FBN1: variants seen among roughly 807,000 people sequenced by gnomAD.
The protein encoded by FBN1 is fibrillin-1.
A neutral mutation model predicts 365.1 loss-of-function variants in FBN1; 29 were observed. The observed-to-expected ratio is 0.08, with a 90% CI of 0.06 to 0.11. The LOEUF (loss-of-function observed/expected upper bound fraction) is 0.11, where lower values mean the gene tolerates loss of function less well. Among genes scored for constraint, FBN1 ranks in the 10% least tolerant of loss-of-function variants. FBN1 has a pLI of 1.00. For missense variants in FBN1, 2,476 were observed against 3,703.2 expected, an observed-to-expected ratio of 0.67 and a Z score of 8.60; for synonymous variants, 1,210 against 1,270.5, an observed-to-expected ratio of 0.95 and a Z score of 1.01.
chr15:48,495,664 A>G lies in FBN1; in HGVS notation c.2420-76T>C, dbSNP rs541541345. ...AAAGAGTACTTCAACTTTGACCCCA[A>G]TTGCTACTACATATCCTTAATCCCA... On this transcript the variant is annotated intron_variant, in intron 20 of 65. Coordinates refer to ENST00000316623, the MANE Select transcript of FBN1 (RefSeq NM_000138.5). 226 of 1,571,410 alleles carry G rather than the reference A, an allele frequency of 1.4e-4. 3 individuals are homozygous for G. In the South Asian group the frequency reaches 2.3e-3, roughly 16 times the overall value.
intron 6 of FBN1, among the ~76,000 whole-genome samples, chr15:48,593,589 T>C (rs896568558): frequency 2.0e-5 from 3 of 152,186 alleles, no homozygotes; most frequent in East Asian, 3.8e-4. Flanking sequence ...CAAACAGCAA[T>C]TATTTCCAGG....
intron 57 of FBN1, 145 bp downstream of exon 57, chr15:48,428,201 G>T: frequency 2.9e-6 from 3 of 1,036,026 alleles, no homozygotes; most frequent in Non-Finnish European, 2.9e-6. Context: ...GACAATCACA[G>T]TCATTACGGC....
intron 6 of FBN1, among the ~76,000 whole-genome samples, chr15:48,569,549 C>T (rs774631612): frequency 6.6e-6 from 1 of 151,870 alleles, no homozygotes; most frequent in African/African-American, 2.4e-5. Flanking sequence ...TCATAATAGC[C>T]CCATACTGGA....
chr15:48,516,229 G>A lies in FBN1; in HGVS notation c.1281C>T (p.Val427=). Residue 427 remains valine (V), a synonymous_variant, in exon 11 of 66, where the codon GTC becomes GTT. Coordinates refer to ENST00000316623, the MANE Select transcript of FBN1 (RefSeq NM_000138.5). ...PGFPPGPQIP[V]PRPPVEYLYP... is the part of the protein sequence containing the mutation. ...ACAGATATTCCACTGGTGGTCGAGG[G>A]ACCGGAATTTGAGGTCCAGGAGGAA... is the stretch of plus-strand genomic sequence containing the variant. The A allele has an allele frequency of 6.2e-7, 1 of 1,613,792 alleles. No homozygotes were observed. Among genetic ancestry groups the A allele is most frequent in the Non-Finnish European group, 8.5e-7 (1 of 1,179,862 alleles).
intron 13 of FBN1, 106 bp downstream of exon 13, chr15:48,513,443 T>G (rs1371960894): frequency 6.6e-7 from 1 of 1,518,578 alleles, no homozygotes; most frequent in East Asian, 2.3e-5. Flanking sequence ...CGGGACTGTA[T>G]TAGTCTCTTC....
At chr15:48,546,770 G>C (rs2044096578) in intron 6 of FBN1, among the ~76,000 whole-genome samples, 1 of 152,140 alleles carries the variant, frequency 6.6e-6, no homozygotes, top group South Asian at 2.1e-4. Flanking sequence ...GTTGGCGAGA[G>C]TGGTGGCATA....
At chr15:48,596,987 T>G (rs1182966651) in intron 5 of FBN1, among the ~76,000 whole-genome samples, 1 of 152,202 alleles carries the variant, frequency 6.6e-6, no homozygotes, top group African/African-American at 2.4e-5. Context: ...AAAGTTCATG[T>G]GCTGAACAAC....
In FBN1 at chr15:48,537,757, C is replaced by T. The variant is rs895824095; in HGVS notation, c.590G>A (p.Gly197Glu). Reference protein sequence around the residue: ...FTVISNQMCQGQLSGIVCTKT... With the variant: ...FTVISNQMCQEQLSGIVCTKT... ...TGTGCAGACAATCCCGCTGAGTTGT[C>T]CCTGGCACATCTGGTTGCTGATCAC... The change falls in exon 7 of 66, where the codon GGA (glycine) becomes GAA (glutamate). Residue 197 changes from glycine (G) to glutamate (E), a missense_variant. Gly to Glu is a moderately conservative substitution (Grantham distance 98). Transcript: ENST00000316623. The T allele has an allele frequency of 4.1e-5, 66 of 1,614,042 alleles. No homozygotes were observed. Among genetic ancestry groups the T allele is most frequent in the Non-Finnish European group, 5.5e-5 (65 of 1,180,036 alleles).
chr15:48,516,277 T>G lies in FBN1; in HGVS notation c.1233A>C (p.Pro411=). ...YPPPPLGPIP[P]VLPVPPGFPP... ...GAAAGCCAGGAGGAACAGGGAGAAC[T>G]GGAGGAATGGGGCCAAGGGGTGGGG... Residue 411 remains proline, a synonymous_variant, in exon 11 of 66, where the codon CCA becomes CCC. Transcript: ENST00000316623. 1 of 1,613,114 alleles carries G rather than the reference T, an allele frequency of 6.2e-7. No homozygotes were observed. The highest frequency in any genetic ancestry group is 8.5e-7 in the Non-Finnish European group (1 of 1,179,626).
chr15:48,437,125 G>A (rs963304842), intron 52 of FBN1, 48 bp from the exon 53 acceptor site: 9 of 1,337,040 alleles, frequency 6.7e-6, no homozygotes, highest in African/African-American at 1.4e-5. Context: ...TTTTTTAAAC[G>A]TGAAGATAAA....
intron 6 of FBN1, among the ~76,000 whole-genome samples, chr15:48,575,761 A>G (rs188410438): frequency 3.1e-4 from 47 of 151,798 alleles, no homozygotes; most frequent in Admixed American, 9.2e-4. Flanking sequence ...GAATCAACAT[A>G]AGGATTCATC....
At chr15:48,641,010 T>G (rs1186076518) in intron 2 of FBN1, 1 of 152,190 alleles carries the variant, frequency 6.6e-6, no homozygotes, top group African/African-American at 2.4e-5. Flanking sequence ...TTTTATTATT[T>G]TTCATAAACC....
chr15:48,537,383 C>A (rs1427884311), intron 7 of FBN1, among the ~76,000 whole-genome samples: 1 of 152,196 alleles, frequency 6.6e-6, no homozygotes, highest in Non-Finnish European at 1.5e-5. Context: ...CATACAAACA[C>A]CTCTGGGGTC....
At chr15:48,421,352 G>A (rs930982928) in intron 62 of FBN1, among the ~76,000 whole-genome samples, 3 of 152,160 alleles carry the variant, frequency 2.0e-5, no homozygotes, top group African/African-American at 2.4e-5. Flanking sequence ...GATATACTTA[G>A]GAAAGGCATG....
intron 49 of FBN1, among the ~76,000 whole-genome samples, chr15:48,442,820 G>T (rs1211749889): frequency 6.6e-6 from 1 of 152,150 alleles, no homozygotes; most frequent in Non-Finnish European, 1.5e-5. Context: ...AATTTTTAGT[G>T]AACAAAGTGG....
chr15:48,495,013 A>T, intron 22 of FBN1, 110 bp downstream of exon 22: 1 of 1,320,362 alleles, frequency 7.6e-7, no homozygotes, highest in Non-Finnish European at 1.1e-6. Context: ...CATCAGGATT[A>T]AATCTTTGAA....
At chr15:48,446,979 C>A (rs1445410152) in intron 46 of FBN1, among the ~76,000 whole-genome samples, 157 bp from the exon 47 acceptor site, 3 of 152,138 alleles carry the variant, frequency 2.0e-5, no homozygotes, top group Non-Finnish European at 4.4e-5. Flanking sequence ...GTCATCCCTG[C>A]AAGATACCAG....
intron 2 of FBN1, among the ~76,000 whole-genome samples, chr15:48,640,423 G>T (rs1258383865): frequency 6.6e-6 from 1 of 152,102 alleles, no homozygotes; most frequent in Non-Finnish European, 1.5e-5. Context: ...TAGCCCATCT[G>T]ACTTCAGGTG....
chr15:48,631,790 A>C (rs542478555), intron 2 of FBN1, among the ~76,000 whole-genome samples: 19 of 152,214 alleles, frequency 1.2e-4, no homozygotes, highest in Non-Finnish European at 2.6e-4. Context: ...TCCTTACTCC[A>C]ACAGAGGCAA....
Sources: allele counts gnomAD v4.1 joint callset (sites outside exome capture counted in the v4.1 genomes callset), GRCh38; gene constraint gnomAD v4.1.1; transcripts MANE v1.5; gene names NCBI Gene and HGNC (gene_info 2026-07-23, HGNC 2026-07-21).